Variants in NLGN1 observed in about 807,000 individuals in gnomAD.
NLGN1 encodes the protein neuroligin 1.
NLGN1 carries 12 observed loss-of-function variants against 65.5 expected under a neutral mutation model. The observed-to-expected ratio is 0.18, with a 90% CI of 0.12 to 0.30. NLGN1 has a LOEUF of 0.30. NLGN1 is among the 10% of genes least tolerant of loss of function. NLGN1 has a pLI of 1.00. For synonymous variants in NLGN1, 350 were observed against 359.5 expected (o/e 0.97, Z 0.30); for missense variants, 750 against 1,007.1 (o/e 0.74, Z 3.46).
intron 4 of NLGN1, among the ~76,000 whole-genome samples, chr3:174,024,477 T>C (rs1728438237): frequency 6.6e-6 from 1 of 152,168 alleles, no homozygotes; most frequent in African/African-American, 2.4e-5. Flanking sequence ...ACACTTTAGA[T>C]TTATGGTCTA....
intron 4 of NLGN1, among the ~76,000 whole-genome samples, chr3:173,965,164 T>G (rs955333442): frequency 2.0e-5 from 3 of 152,060 alleles, no homozygotes; most frequent in African/African-American, 4.8e-5. Context: ...TAATGCAGAG[T>G]TAAAGATCTA....
chr3:173,484,825 G>A (rs1044890905), intron 2 of NLGN1, among the ~76,000 whole-genome samples: 1 of 152,120 alleles, frequency 6.6e-6, no homozygotes, highest in Non-Finnish European at 1.5e-5. Context: ...TAGTGATAGA[G>A]GAGTGACATG....
intron 3 of NLGN1, among the ~76,000 whole-genome samples, chr3:173,793,401 T>C (rs772669125): frequency 2.6e-5 from 4 of 152,078 alleles, no homozygotes; most frequent in Non-Finnish European, 4.4e-5. Context: ...GAGGGGGTTA[T>C]ACCTCTGAAA....
At chr3:173,695,603 ATTTTGT>A (rs1766097799) in intron 3 of NLGN1, 2 of 308,000 alleles carry the variant, frequency 6.5e-6, no homozygotes, top group African/African-American at 2.2e-5. Context: ...TTTTGTTTCT[ATTTTGT>A]TTTTGTTTTT....
At chr3:174,262,263 C>T (rs1747076928) in intron 4 of NLGN1, among the ~76,000 whole-genome samples, 1 of 96,802 alleles carries the variant, frequency 1.0e-5, no homozygotes, top group African/African-American at 5.0e-5. Context: ...AGGAATGGTA[C>T]CAGTTCCTCC....
chr3:173,987,364 A>G (rs559354320), intron 4 of NLGN1, among the ~76,000 whole-genome samples: 2 of 152,334 alleles, frequency 1.3e-5, no homozygotes, highest in South Asian at 2.1e-4. Context: ...ATCTGAGGAA[A>G]TCAACTGTGA....
intron 4 of NLGN1, among the ~76,000 whole-genome samples, chr3:174,221,191 C>T (rs894025432): frequency 6.6e-6 from 1 of 151,870 alleles, no homozygotes; most frequent in Admixed American, 6.6e-5. Flanking sequence ...CCATATAATA[C>T]TTTTTATGGC....
intron 4 of NLGN1, among the ~76,000 whole-genome samples, chr3:173,932,989 G>A (rs938886276): frequency 6.6e-6 from 1 of 152,122 alleles, no homozygotes; most frequent in Admixed American, 6.6e-5. Flanking sequence ...GGGGTGGTGG[G>A]TAAGGATGGG....
At chr3:174,134,016 A>G (rs958272887) in intron 4 of NLGN1, among the ~76,000 whole-genome samples, 2 of 152,098 alleles carry the variant, frequency 1.3e-5, no homozygotes, top group Admixed American at 6.6e-5. Context: ...CACTGCTAAT[A>G]AGATTTTAGA....
chr3:174,036,584 G>T (rs200472075), intron 4 of NLGN1, among the ~76,000 whole-genome samples: 118 of 141,616 alleles, frequency 8.3e-4, no homozygotes, highest in East Asian at 1.9e-3. Flanking sequence ...GTTTTTTGTT[G>T]TTTTTTTTTT....
At chr3:173,871,029 T>C (rs539031109) in intron 4 of NLGN1, among the ~76,000 whole-genome samples, 1 of 152,312 alleles carries the variant, frequency 6.6e-6, no homozygotes, top group African/African-American at 2.4e-5. Flanking sequence ...TCAGCCCCAC[T>C]ATCCGATTCT....
At chr3:173,407,084 C>A (rs564547646) in intron 1 of NLGN1, among the ~76,000 whole-genome samples, 1 of 152,174 alleles carries the variant, frequency 6.6e-6, no homozygotes, top group Admixed American at 6.5e-5. Context: ...ATTCAAGATA[C>A]TAGGTTTCAA....
intron 4 of NLGN1, among the ~76,000 whole-genome samples, chr3:173,906,674 G>A (rs971055215): frequency 9.9e-5 from 15 of 151,722 alleles, no homozygotes; most frequent in Non-Finnish European, 1.9e-4. Context: ...TCCCTTCTGT[G>A]TCCTTTTTTA....
chr3:173,693,523 G>T (rs1402596766), intron 3 of NLGN1, among the ~76,000 whole-genome samples: 2 of 151,988 alleles, frequency 1.3e-5, no homozygotes, highest in South Asian at 2.1e-4. Context: ...TCATTGAAGA[G>T]AATTTTCTTT....
chr3:174,271,966 G>T (rs1369961199), intron 4 of NLGN1, among the ~76,000 whole-genome samples: 1 of 151,576 alleles, frequency 6.6e-6, no homozygotes, highest in Non-Finnish European at 1.5e-5. Context: ...GGAAAATTTT[G>T]TGCATTTTTC....
chr3:173,407,389 T>G (rs1386460380), intron 1 of NLGN1, among the ~76,000 whole-genome samples: 1 of 152,154 alleles, frequency 6.6e-6, no homozygotes. Context: ...AAAAAATGAT[T>G]TGCTTGTTTA....
chr3:173,949,593 A>G (rs1241773154), intron 4 of NLGN1, among the ~76,000 whole-genome samples: 1 of 152,170 alleles, frequency 6.6e-6, no homozygotes, highest in Non-Finnish European at 1.5e-5. Flanking sequence ...GAATTGTTAA[A>G]TAATCTTCAG....
chr3:173,789,516 A>T (rs1483213502), intron 3 of NLGN1, among the ~76,000 whole-genome samples: 2 of 152,244 alleles, frequency 1.3e-5, no homozygotes, highest in Admixed American at 6.5e-5. Context: ...TCCTTTTCAC[A>T]GCCAAAGAAA....
At chr3:173,813,822 A>C (rs1254372761) in intron 4 of NLGN1, among the ~76,000 whole-genome samples, 1 of 152,232 alleles carries the variant, frequency 6.6e-6, no homozygotes, top group Non-Finnish European at 1.5e-5. Context: ...AAAAATACGC[A>C]AATAATAGTT....
Sources: gnomAD v4.1 joint callset for allele counts (sites outside exome capture counted in the v4.1 genomes callset) on GRCh38, gnomAD v4.1.1 for gene constraint, MANE v1.5 for transcripts, NCBI Gene and HGNC (gene_info 2026-07-23, HGNC 2026-07-21) for gene names.